NT5C2: variants seen among roughly 807,000 people sequenced by gnomAD.
NT5C2 encodes 5'-nucleotidase, cytosolic II, also known as cytosolic purine 5'-nucleotidase.
A neutral mutation model predicts 76.1 loss-of-function variants in NT5C2; 58 were observed. The observed-to-expected ratio is 0.76, with a 90% CI of 0.62 to 0.95. NT5C2 has a LOEUF of 0.95. NT5C2 is among the 40% of genes least tolerant of loss of function. The probability of loss-of-function intolerance (pLI) is 0.00; values close to 1 mark genes in which losing one functional copy is unlikely to be tolerated. For synonymous variants in NT5C2, 229 were observed against 237.4 expected (o/e 0.96, Z 0.32); for missense variants, 478 against 690.3 (o/e 0.69, Z 3.45).
At chr10:103,180,737 T>C (rs2090905620) in intron 2 of NT5C2, among the ~76,000 whole-genome samples, 1 of 151,884 alleles carries the variant, frequency 6.6e-6, no homozygotes, top group Non-Finnish European at 1.5e-5. Context: ...AAAAAAAACT[T>C]ATACACAAAT....
intron 4 of NT5C2, among the ~76,000 whole-genome samples, chr10:103,118,927 G>C (rs1219301713): frequency 6.6e-6 from 1 of 151,918 alleles, no homozygotes; most frequent in East Asian, 1.9e-4. Flanking sequence ...GGGAGGGCAA[G>C]AGTCCAAAAA....
intron 4 of NT5C2, among the ~76,000 whole-genome samples, chr10:103,117,509 T>C (rs1373787675): frequency 6.6e-6 from 1 of 152,172 alleles, no homozygotes; most frequent in East Asian, 1.9e-4. Flanking sequence ...TAGCCAGCCA[T>C]GGTGGCATAC....
At chr10:103,169,682 AT>A (rs1172226800) in intron 3 of NT5C2, among the ~76,000 whole-genome samples, 2 of 152,094 alleles carry the variant, frequency 1.3e-5, no homozygotes, top group African/African-American at 4.8e-5. Context: ...AATTTTCTAC[AT>A]TTAATTTTTT....
chr10:103,130,605 TAGA>T (rs1296443720), intron 4 of NT5C2, among the ~76,000 whole-genome samples: 2 of 145,696 alleles, frequency 1.4e-5, no homozygotes, highest in Non-Finnish European at 1.5e-5. Context: ...AAAGAAAAAT[TAGA>T]AGTTTACAAG....
chr10:103,132,486 A>C (rs1182340296), intron 4 of NT5C2, among the ~76,000 whole-genome samples: 1 of 152,196 alleles, frequency 6.6e-6, no homozygotes, highest in African/African-American at 2.4e-5. Context: ...ATGTTACCAT[A>C]GGAGAGGGGA....
intron 3 of NT5C2, among the ~76,000 whole-genome samples, chr10:103,170,617 G>A (rs867730883): frequency 2.0e-5 from 3 of 147,326 alleles, no homozygotes; most frequent in South Asian, 2.1e-4. Context: ...CCACCTCTCA[G>A]ACGCAGGTGA....
rs1190141443 is a variant in NT5C2, at chr10:103,111,904, A to C, written c.176-5198T>G. The C allele has an allele frequency of 4.0e-6, 3 of 750,384 alleles. No homozygotes were observed. The African/African-American group carries it at 5.4e-5, about 14-fold the overall frequency. The allele number at this position is 750,384 out of a possible 1,614,324, so 46.5% of individuals were successfully genotyped here. On this transcript the variant is annotated intron_variant, in intron 4 of 18. Transcript: ENST00000404739. ...GCTGGAACAGAGAGATACCATTTGG[A>C]AATTGGTATTTACAGGAGTTACTAC...
chr10:103,110,947 T>A (rs757454548), intron 4 of NT5C2, among the ~76,000 whole-genome samples: 4 of 152,202 alleles, frequency 2.6e-5, no homozygotes, highest in Non-Finnish European at 5.9e-5. Context: ...AGTACTGCCA[T>A]TCCTTTAAAA....
At chr10:103,106,859 C>T (rs748761164) in intron 4 of NT5C2, among the ~76,000 whole-genome samples, 153 bp from the exon 5 acceptor site, 6 of 152,050 alleles carry the variant, frequency 3.9e-5, no homozygotes, top group Non-Finnish European at 5.9e-5. Context: ...TCTGTATTGC[C>T]CCAAGTAATT....
Position 103,093,961 on chromosome 10 carries a change from C to G in NT5C2, c.988+11G>C, listed in dbSNP as rs781735090. On this transcript the variant is annotated intron_variant, in intron 14 of 18. Transcript: ENST00000404739. ...GCAAAGACATTAAATAAAGGGAAGT[C>G]TGTGACTTACCTCCTGAGTAGACGA... 1.2e-6 allele frequency: 2 copies of G among 1,605,818 alleles called. No homozygotes were observed. Among genetic ancestry groups the G allele is most frequent in the Non-Finnish European group, 1.7e-6 (2 of 1,172,432 alleles).
At chr10:103,147,311 A>G (rs1242086492) in intron 3 of NT5C2, among the ~76,000 whole-genome samples, 1 of 152,242 alleles carries the variant, frequency 6.6e-6, no homozygotes, top group Non-Finnish European at 1.5e-5. Flanking sequence ...GTCCCACATC[A>G]TGCACCTTTG....
chr10:103,139,508 C>G (rs993806461), intron 3 of NT5C2, 29 bp from the exon 4 acceptor site: 4 of 1,361,208 alleles, frequency 2.9e-6, no homozygotes, highest in Non-Finnish European at 4.1e-6. Context: ...AATAATATCT[C>G]AACACTGGAA....
chr10:103,127,716 A>G (rs1046475712), intron 4 of NT5C2, among the ~76,000 whole-genome samples: 1 of 152,242 alleles, frequency 6.6e-6, no homozygotes, highest in African/African-American at 2.4e-5. Flanking sequence ...CCGTATCATT[A>G]ACTTTTGAAA....
At chr10:103,140,202 A>T (rs1197947873) in intron 3 of NT5C2, 1 of 152,122 alleles carries the variant, frequency 6.6e-6, no homozygotes, top group Non-Finnish European at 1.5e-5. Context: ...TACAGGCATG[A>T]TCCACCGCGC....
rs1442065668 is a variant in NT5C2, at chr10:103,129,611, CGGGA to C, written c.175+9791_175+9794del. Among the ~76,000 whole-genome samples, 539 of 94,924 alleles carry C rather than the reference CGGGA, an allele frequency of 5.7e-3. 3 individuals carry two copies. The highest frequency in any genetic ancestry group is 0.012 in the East Asian group (37 of 3,060). 62.3% of individuals were successfully genotyped at this position (94,924 alleles called of 152,430 possible). A position where few individuals can be genotyped will look rare whatever the true frequency, so the allele number is the denominator to read the frequency against. ...CCCCCGCCCGGCCAGCCGCCCCGTC[CGGGA>C]GGGAGGTGGGGGGGGGTCAGCCCCC... On this transcript the variant is annotated intron_variant, in intron 4 of 18. Coordinates refer to ENST00000404739, the MANE Select transcript of NT5C2 (RefSeq NM_001351169.2).
At chr10:103,177,833 C>G (rs374943057) in intron 2 of NT5C2, among the ~76,000 whole-genome samples, 1 of 152,248 alleles carries the variant, frequency 6.6e-6, no homozygotes, top group East Asian at 1.9e-4. Context: ...TTAAAGTGAA[C>G]AAGTTGGTGG....
intron 3 of NT5C2, among the ~76,000 whole-genome samples, chr10:103,151,479 A>AG (rs35085852): frequency 6.6e-6 from 1 of 151,506 alleles, no homozygotes; most frequent in African/African-American, 2.4e-5. Context: ...AAAAAAAAAA[A>AG]CACTAGCCTC....
At chr10:103,105,560 A>G (rs1277055282) in intron 6 of NT5C2, 146 bp downstream of exon 6, 2 of 607,152 alleles carry the variant, frequency 3.3e-6, no homozygotes, top group Non-Finnish European at 2.8e-6. Flanking sequence ...TGCCTAATAA[A>G]TAACTGTTAA....
chr10:103,171,491 T>C (rs2087986519), intron 3 of NT5C2, among the ~76,000 whole-genome samples: 1 of 152,230 alleles, frequency 6.6e-6, no homozygotes, highest in Non-Finnish European at 1.5e-5. Context: ...AGAGTCATTT[T>C]AGACTTCCTG....
Sources: gnomAD v4.1 joint callset for allele counts (sites outside exome capture counted in the v4.1 genomes callset) on GRCh38, gnomAD v4.1.1 for gene constraint, MANE v1.5 for transcripts, NCBI Gene and HGNC (gene_info 2026-07-23, HGNC 2026-07-21) for gene names.